Variants in GRAMD2B observed in about 807,000 individuals in gnomAD.
GRAMD2B encodes GRAM domain containing 2B, also known as GRAM domain-containing protein 2B.
A neutral mutation model predicts 59.2 loss-of-function variants in GRAMD2B; 41 were observed. The ratio of observed to expected loss-of-function variants is 0.69; its 90% CI spans 0.54 to 0.90. The LOEUF (loss-of-function observed/expected upper bound fraction) is 0.90, where lower values mean the gene tolerates loss of function less well. Ranked by LOEUF, GRAMD2B falls within the 40% of genes least tolerant of loss-of-function variation. The probability of loss-of-function intolerance (pLI) is 0.00; values close to 1 mark genes in which losing one functional copy is unlikely to be tolerated. For synonymous variants in GRAMD2B, 161 were observed against 182.7 expected, an observed-to-expected ratio of 0.88 and a Z score of 0.96; for missense variants, 424 against 500.5, an observed-to-expected ratio of 0.85 and a Z score of 1.46.
intron 6 of GRAMD2B, 102 bp downstream of exon 6, chr5:126,477,889 A>G: frequency 1.2e-5 from 9 of 748,070 alleles, no homozygotes; most frequent in Non-Finnish European, 2.2e-5. Context: ...CAAACCATAA[A>G]TATCATCTCC....
chr5:126,487,066 T>C (rs183378232), intron 12 of GRAMD2B, 89 bp downstream of exon 12: 535 of 707,948 alleles, frequency 7.6e-4, no homozygotes, highest in South Asian at 5.0e-3. Flanking sequence ...TAGTAAACAT[T>C]AATTGGAGAT....
chr5:126,385,022 C>T (rs779073687), intron 1 of GRAMD2B, among the ~76,000 whole-genome samples: 6 of 152,188 alleles, frequency 3.9e-5, no homozygotes, highest in East Asian at 1.9e-4. Flanking sequence ...AAATGCTAGA[C>T]GGATGAATAC....
intron 1 of GRAMD2B, among the ~76,000 whole-genome samples, chr5:126,447,486 C>A (rs558813892): frequency 6.6e-6 from 1 of 152,008 alleles, no homozygotes; most frequent in Non-Finnish European, 1.5e-5. Flanking sequence ...CACGGTGAAA[C>A]CCCGTCTCTA....
intron 1 of GRAMD2B, among the ~76,000 whole-genome samples, chr5:126,383,330 T>C (rs1276917542): frequency 2.0e-5 from 3 of 152,206 alleles, no homozygotes; most frequent in South Asian, 2.1e-4. Context: ...TGTAATTGAA[T>C]TGAAGGTTCT....
chr5:126,454,358 G>A (rs886318126), intron 1 of GRAMD2B, among the ~76,000 whole-genome samples: 3 of 152,138 alleles, frequency 2.0e-5, no homozygotes, highest in Non-Finnish European at 2.9e-5. Flanking sequence ...TCATTGCTGT[G>A]CGTTCCAAGG....
At chr5:126,442,405 C>G (rs1398854112) in intron 1 of GRAMD2B, among the ~76,000 whole-genome samples, 2 of 151,696 alleles carry the variant, frequency 1.3e-5, no homozygotes, top group East Asian at 1.9e-4. Context: ...ATTCTCCTGC[C>G]TCAGCCTCCC....
chr5:126,371,397 T>C (rs1561455416), exon 1 of GRAMD2B: 5 of 1,250,664 alleles, frequency 4.0e-6, no homozygotes, highest in Non-Finnish European at 5.2e-6. Flanking sequence ...GACTCAGAAA[T>C]GAGCTTTTAA....
At chr5:126,461,315 C>T (rs1767317165) in intron 1 of GRAMD2B, among the ~76,000 whole-genome samples, 1 of 152,202 alleles carries the variant, frequency 6.6e-6, no homozygotes, top group African/African-American at 2.4e-5. Context: ...TACTTGACTC[C>T]ACATAAGAGT....
At chr5:126,438,262 TGAGA>T (rs1762738425) in intron 1 of GRAMD2B, among the ~76,000 whole-genome samples, 1 of 151,998 alleles carries the variant, frequency 6.6e-6, no homozygotes. Flanking sequence ...GTTTTTTAGG[TGAGA>T]GAGAGCCTTG....
At chr5:126,376,875 G>A (rs758751287) in intron 1 of GRAMD2B, among the ~76,000 whole-genome samples, 2 of 152,066 alleles carry the variant, frequency 1.3e-5, no homozygotes, top group Non-Finnish European at 2.9e-5. Context: ...AGGAGAGTGA[G>A]GGGCAGGCTA....
At chr5:126,420,015 A>G (rs993899852), upstream of GRAMD2B, among the ~76,000 whole-genome samples, 29 of 141,048 alleles carry the variant, frequency 2.1e-4, no homozygotes, top group African/African-American at 7.7e-4. Context: ...AGATCGTGCC[A>G]CTGCACTCCA....
At chr5:126,459,462 G>A (rs1766950225) in intron 1 of GRAMD2B, among the ~76,000 whole-genome samples, 1 of 152,098 alleles carries the variant, frequency 6.6e-6, no homozygotes. Flanking sequence ...GTCAACTATA[G>A]GATGTTACTA....
intron 1 of GRAMD2B, among the ~76,000 whole-genome samples, chr5:126,431,349 C>T (rs1197064177): frequency 6.6e-6 from 1 of 152,176 alleles, no homozygotes; most frequent in Non-Finnish European, 1.5e-5. Context: ...TTTTTCCAAG[C>T]TTCTTTGCAG....
intron 1 of GRAMD2B, among the ~76,000 whole-genome samples, chr5:126,387,874 G>C (rs1161446781): frequency 1.3e-5 from 2 of 152,170 alleles, no homozygotes; most frequent in Non-Finnish European, 2.9e-5. Flanking sequence ...AATTTAGATA[G>C]TCACTATCTG....
chr5:126,441,787 G>A (rs988366105), intron 1 of GRAMD2B, among the ~76,000 whole-genome samples: 2 of 152,036 alleles, frequency 1.3e-5, no homozygotes, highest in Non-Finnish European at 1.5e-5. Flanking sequence ...GAACCAGCTC[G>A]TTAGAGGCTC....
At chr5:126,366,025 C>G (rs1006160357) in intron 1 of GRAMD2B, among the ~76,000 whole-genome samples, 2 of 152,206 alleles carry the variant, frequency 1.3e-5, no homozygotes, top group African/African-American at 4.8e-5. Flanking sequence ...GATCAACTTT[C>G]TAATCTTCTG....
At position 126,475,173 on chromosome 5, in the gene GRAMD2B, C is replaced by T. The variant is rs185393571; in HGVS notation, c.486+1805C>T. Among the ~76,000 whole-genome samples the T allele has an allele frequency of 9.2e-5, 14 of 152,304 alleles. No individual in the cohort carries two copies. In the East Asian group the frequency reaches 2.7e-3, roughly 29 times the overall value. On this transcript the variant is annotated intron_variant, in intron 5 of 13. Transcript: ENST00000285689. ...TTAATTTAATCCGGACCTTTTTAGT[C>T]AGCCTGTCGGTATTTTCAGATGCCA...
intron 1 of GRAMD2B, among the ~76,000 whole-genome samples, chr5:126,376,087 C>T (rs929389806): frequency 1.4e-4 from 22 of 152,064 alleles, no homozygotes; most frequent in Admixed American, 4.6e-4. Flanking sequence ...ATTATCACTC[C>T]GGAAATTTAA....
chr5:126,366,846 C>CTTTTTTTTT (rs59718576), upstream of GRAMD2B, among the ~76,000 whole-genome samples: 4 of 107,682 alleles, frequency 3.7e-5, no homozygotes, highest in Non-Finnish European at 5.4e-5. Flanking sequence ...CAGACCAAGG[C>CTTTTTTTTT]TTTTTTTTTT....
Sources: allele counts gnomAD v4.1 joint callset (sites outside exome capture counted in the v4.1 genomes callset), GRCh38; gene constraint gnomAD v4.1.1; transcripts MANE v1.5; gene names NCBI Gene and HGNC (gene_info 2026-07-23, HGNC 2026-07-21).